The following FAM53B variants were observed in gnomAD, a reference collection of about 807,000 sequenced individuals.
FAM53B encodes the protein protein FAM53B.
FAM53B carries 12 observed loss-of-function variants against 32.7 expected under a neutral mutation model. The ratio of observed to expected loss-of-function variants is 0.37; its 90% CI spans 0.24 to 0.59. The LOEUF (loss-of-function observed/expected upper bound fraction) is 0.59, where lower values mean the gene tolerates loss of function less well. Ranked by LOEUF, FAM53B falls within the 20% of genes least tolerant of loss-of-function variation. The pLI, the probability that FAM53B is intolerant of heterozygous loss-of-function variation, is 0.72. For missense variants in FAM53B, 477 were observed against 577.7 expected (o/e 0.83, Z 1.79); for synonymous variants, 234 against 228.7 (o/e 1.02, Z -0.21).
At chr10:124,677,694 G>T (rs1949744935) in intron 4 of FAM53B, among the ~76,000 whole-genome samples, 1 of 151,910 alleles carries the variant, frequency 6.6e-6, no homozygotes, top group African/African-American at 2.4e-5. Flanking sequence ...CAGAAGACAT[G>T]AGCAAAGACA....
chr10:124,632,781 C>A (rs1461634011), intron 4 of FAM53B, among the ~76,000 whole-genome samples: 1 of 152,216 alleles, frequency 6.6e-6, no homozygotes, highest in East Asian at 1.9e-4. Flanking sequence ...GGGACATGCC[C>A]CAGACTGCAC....
At chr10:124,647,986 C>T (rs1949530078) in intron 4 of FAM53B, among the ~76,000 whole-genome samples, 2 of 152,266 alleles carry the variant, frequency 1.3e-5, no homozygotes, top group East Asian at 1.9e-4. Context: ...GGTGTGGGCA[C>T]GGGGAGAGTC....
chr10:124,628,298 C>T (rs1052049801), intron 4 of FAM53B, among the ~76,000 whole-genome samples: 1 of 152,134 alleles, frequency 6.6e-6, no homozygotes, highest in Non-Finnish European at 1.5e-5. Flanking sequence ...AGTGGGCATC[C>T]GGTGACAAAG....
intron 3 of FAM53B, among the ~76,000 whole-genome samples, chr10:124,692,926 C>G (rs1015444246): frequency 6.6e-6 from 1 of 152,182 alleles, no homozygotes; most frequent in South Asian, 2.1e-4. Flanking sequence ...TGGCTCCCAG[C>G]GAGGACCCTG....
intron 4 of FAM53B, chr10:124,667,419 AT>A (rs748742671): frequency 1.3e-6 from 1 of 769,338 alleles, no homozygotes; most frequent in South Asian, 1.4e-5. Context: ...TCATGGGGCT[AT>A]CTGGAGGAGA....
intron 4 of FAM53B, among the ~76,000 whole-genome samples, chr10:124,678,638 G>A (rs1949750961): frequency 6.6e-6 from 1 of 152,224 alleles, no homozygotes; most frequent in African/African-American, 2.4e-5. Context: ...GAATGGACAA[G>A]CTCTGAGGTC....
intron 4 of FAM53B, among the ~76,000 whole-genome samples, chr10:124,674,273 G>T (rs934094452): frequency 1.3e-5 from 2 of 152,178 alleles, no homozygotes; most frequent in Admixed American, 1.3e-4. Context: ...TGAGCAGCAG[G>T]CCCCTCCTTT....
At position 124,649,745 on chromosome 10, in the gene FAM53B, G is replaced by C. The variant is rs78891952; in HGVS notation, c.907-26141C>G. ...TGTCCCTGGTCTCCCTCACACACTGGGAAGTGTGCACTTGATTCTTTGTAC... is the reference window on the plus strand; with the variant it reads ...TGTCCCTGGTCTCCCTCACACACTGCGAAGTGTGCACTTGATTCTTTGTAC... On this transcript the variant is annotated intron_variant, in intron 4 of 4. Transcript: ENST00000337318. Among the ~76,000 whole-genome samples, 930 of 152,236 alleles carry C rather than the reference G, an allele frequency of 6.1e-3. 32 individuals carry two copies. The East Asian group carries it at 0.089, about 15-fold the overall frequency.
chr10:124,727,211 T>C (rs1194653819), intron 1 of FAM53B, among the ~76,000 whole-genome samples: 1 of 151,742 alleles, frequency 6.6e-6, no homozygotes, highest in Non-Finnish European at 1.5e-5. Context: ...AGAGATGGGT[T>C]TTCTCTACGT....
At chr10:124,638,409 G>A (rs572781075) in intron 4 of FAM53B, among the ~76,000 whole-genome samples, 5 of 152,176 alleles carry the variant, frequency 3.3e-5, no homozygotes, top group South Asian at 2.1e-4. Context: ...CACTGGGACC[G>A]GTGCTTCCTT....
rs112467706 is a variant in FAM53B, at chr10:124,704,510, T to C, written c.78+2126A>G. 3.6e-3 allele frequency among the ~76,000 whole-genome samples: 548 copies of C among 152,026 alleles called. 4 individuals are homozygous for C. The highest frequency in any genetic ancestry group is 0.01 in the Middle Eastern group (3 of 294). On this transcript the variant is annotated intron_variant, in intron 2 of 4. Transcript: ENST00000337318. ...CGCTGGGACTGAACTGTAGGTTGAG[T>C]AGCCAGAGAAGGAAGGAGGGAGGGA...
intron 2 of FAM53B, among the ~76,000 whole-genome samples, chr10:124,697,005 T>C (rs887348436): frequency 2.3e-4 from 35 of 152,200 alleles, no homozygotes; most frequent in Admixed American, 4.6e-4. Flanking sequence ...ACTTGCTCCA[T>C]GGCTACACAG....
chr10:124,700,166 T>G (rs888405757), intron 2 of FAM53B, among the ~76,000 whole-genome samples: 1 of 152,200 alleles, frequency 6.6e-6, no homozygotes, highest in African/African-American at 2.4e-5. Flanking sequence ...CGCTGGCAGG[T>G]TTCCCTGGTC....
chr10:124,690,981 A>G (rs372722301), intron 3 of FAM53B, among the ~76,000 whole-genome samples: 1 of 152,332 alleles, frequency 6.6e-6, no homozygotes, highest in East Asian at 1.9e-4. Flanking sequence ...AGAAGCTCTG[A>G]TTTTGTTATT....
chr10:124,676,808 C>T (rs1949739348), intron 4 of FAM53B, among the ~76,000 whole-genome samples: 1 of 152,174 alleles, frequency 6.6e-6, no homozygotes. Context: ...GACGTGCTGG[C>T]ATGCTGGTTT....
chr10:124,719,249 G>A (rs1378412441), intron 1 of FAM53B, among the ~76,000 whole-genome samples: 1 of 152,088 alleles, frequency 6.6e-6, no homozygotes, highest in Non-Finnish European at 1.5e-5. Context: ...TGGGGGAACA[G>A]GAGAAGAAAG....
At chr10:124,693,195 G>A (rs560770824) in intron 3 of FAM53B, among the ~76,000 whole-genome samples, 5 of 152,058 alleles carry the variant, frequency 3.3e-5, no homozygotes, top group African/African-American at 9.6e-5. Flanking sequence ...AGGCACGCCG[G>A]GCGCGGTGGC....
intron 2 of FAM53B, among the ~76,000 whole-genome samples, chr10:124,697,427 TG>T (rs1344044999): frequency 6.6e-6 from 1 of 152,118 alleles, no homozygotes; most frequent in Non-Finnish European, 1.5e-5. Flanking sequence ...TAGGAACGCC[TG>T]GCCCCTCCAG....
At chr10:124,725,144 C>G (rs1326939198) in intron 1 of FAM53B, among the ~76,000 whole-genome samples, 1 of 152,252 alleles carries the variant, frequency 6.6e-6, no homozygotes, top group African/African-American at 2.4e-5. Flanking sequence ...GTGACTACAT[C>G]TGGAGCTAAA....
Sources: gnomAD v4.1 joint callset for allele counts (sites outside exome capture counted in the v4.1 genomes callset) on GRCh38, gnomAD v4.1.1 for gene constraint, MANE v1.5 for transcripts, NCBI Gene and HGNC (gene_info 2026-07-23, HGNC 2026-07-21) for gene names.